The following RHBDD1 variants were observed in gnomAD, a reference collection of about 807,000 sequenced individuals.
RHBDD1 encodes rhomboid domain containing 1.
In RHBDD1, 38 loss-of-function variants were observed where a neutral mutation model predicts 36.3. The observed-to-expected ratio is 1.05, with a 90% CI of 0.81 to 1.37. RHBDD1 has a LOEUF of 1.37. Among genes scored for constraint, RHBDD1 ranks in the 40% most tolerant of loss-of-function variants. The pLI is 0.00. For synonymous variants in RHBDD1, 151 were observed against 136.5 expected (o/e 1.11, Z -0.74); for missense variants, 393 against 377.6 (o/e 1.04, Z -0.34).
intron 8 of RHBDD1, among the ~76,000 whole-genome samples, chr2:226,972,744 C>G (rs893986257): frequency 6.6e-6 from 1 of 152,168 alleles, no homozygotes; most frequent in Non-Finnish European, 1.5e-5. Flanking sequence ...TCCAGGGGCT[C>G]TCTGCTCACA....
At chr2:226,978,474 C>G (rs1416837394) in intron 8 of RHBDD1, among the ~76,000 whole-genome samples, 1 of 152,152 alleles carries the variant, frequency 6.6e-6, no homozygotes, top group African/African-American at 2.4e-5. Flanking sequence ...ATACCGTTTT[C>G]TGGTGTGAGA....
chr2:226,802,996 C>A, the RHBDD1 span, among the ~76,000 whole-genome samples: 1 of 152,164 alleles, frequency 6.6e-6, no homozygotes, highest in East Asian at 1.9e-4. Flanking sequence ...TAAAACTAAA[C>A]ATTTCAAAAT....
intron 8 of RHBDD1, among the ~76,000 whole-genome samples, chr2:226,986,418 A>G (rs1196871241): frequency 6.6e-6 from 1 of 152,252 alleles, no homozygotes; most frequent in Admixed American, 6.5e-5. Context: ...ACTTGTCTGC[A>G]GTATCTTTGC....
Position 226,956,531 on chromosome 2 carries a change from A to AGTT in RHBDD1, c.857-38882_857-38880dup, listed in dbSNP as rs373150000. 5.6e-3 allele frequency among the ~76,000 whole-genome samples: 848 copies of AGTT among 152,126 alleles called. 5 individuals are homozygous for AGTT. The highest frequency in any genetic ancestry group is 0.042 in the South Asian group (204 of 4,808). On this transcript the variant is annotated intron_variant, in intron 8 of 8. Transcript: ENST00000392062. ...TCACACATTCTGCTGGGAAGATAAA[A>AGTT]GTTGTTGTTGTTGTTGTTGTGAGTG...
At chr2:226,802,225 T>G in the RHBDD1 span, among the ~76,000 whole-genome samples, 1 of 152,214 alleles carries the variant, frequency 6.6e-6, no homozygotes, top group Non-Finnish European at 1.5e-5. Context: ...GCATTTCTGC[T>G]TTAAAAAACA....
rs1054070973 is a variant in RHBDD1 at position 226,978,719 on chromosome 2, T to A, written c.857-16712T>A. Among the ~76,000 whole-genome samples, 3 of 152,166 alleles carry A rather than the reference T, an allele frequency of 2.0e-5. No homozygotes were observed. In the East Asian group the frequency reaches 5.8e-4, roughly 29 times the overall value. On this transcript the variant is annotated intron_variant, in intron 8 of 8. Coordinates refer to ENST00000392062, the MANE Select transcript of RHBDD1 (RefSeq NM_001167608.3). ...TCACGAGTAATCACTAACCATGGCA[T>A]CATGTGCTGTGAAGGGAGGGGATCC... is the stretch of plus-strand genomic sequence containing the variant.
chr2:226,883,184 C>G (rs540029319), intron 5 of RHBDD1, among the ~76,000 whole-genome samples: 6 of 152,204 alleles, frequency 3.9e-5, no homozygotes, highest in Non-Finnish European at 5.9e-5. Flanking sequence ...CGTGTATTAA[C>G]ATTAACTCTC....
At chr2:226,805,019 C>A in the RHBDD1 span, 2 of 152,418 alleles carry the variant, frequency 1.3e-5, no homozygotes, top group South Asian at 4.0e-4. Flanking sequence ...GAGACTTTGT[C>A]TCTAAAAATA....
chr2:226,868,577 T>A (rs1944528410), intron 5 of RHBDD1, among the ~76,000 whole-genome samples: 1 of 152,232 alleles, frequency 6.6e-6, no homozygotes, highest in South Asian at 2.1e-4. Flanking sequence ...TCAGGAAGGT[T>A]CAGAAAGAAG....
chr2:226,875,223 G>T (rs1256529358), intron 5 of RHBDD1, among the ~76,000 whole-genome samples: 1 of 152,152 alleles, frequency 6.6e-6, no homozygotes, highest in African/African-American at 2.4e-5. Context: ...AGGAGCATCA[G>T]TTGTTTTCAT....
chr2:226,818,152 A>ATTT, the RHBDD1 span, among the ~76,000 whole-genome samples: 453 of 86,206 alleles, frequency 5.3e-3, no homozygotes, highest in Non-Finnish European at 7.6e-3. Context: ...TCCAAACAGT[A>ATTT]TTTTTTTTTT....
At chr2:226,892,594 A>C (rs1245178143) in intron 5 of RHBDD1, among the ~76,000 whole-genome samples, 1 of 152,220 alleles carries the variant, frequency 6.6e-6, no homozygotes, top group African/African-American at 2.4e-5. Flanking sequence ...CTTAATTCTT[A>C]TGCAGCATTG....
chr2:226,904,551 CTT>C (rs1010164945), intron 5 of RHBDD1, among the ~76,000 whole-genome samples: 2 of 152,058 alleles, frequency 1.3e-5, no homozygotes, highest in African/African-American at 4.8e-5. Context: ...TGTGCCATGA[CTT>C]TTAGCACGTG....
chr2:226,815,425 T>C, the RHBDD1 span, among the ~76,000 whole-genome samples: 1 of 152,252 alleles, frequency 6.6e-6, no homozygotes, highest in East Asian at 1.9e-4. Context: ...TTGGAGATTC[T>C]CTTTTCTAAA....
intron 8 of RHBDD1, among the ~76,000 whole-genome samples, chr2:226,962,030 A>C (rs545754643): frequency 6.6e-6 from 1 of 152,300 alleles, no homozygotes; most frequent in Non-Finnish European, 1.5e-5. Flanking sequence ...AATTCATTTT[A>C]AGCCCATTTC....
At chr2:226,827,921 G>A in the RHBDD1 span, among the ~76,000 whole-genome samples, 2 of 152,172 alleles carry the variant, frequency 1.3e-5, no homozygotes, top group Non-Finnish European at 2.9e-5. Context: ...GTGACCATAC[G>A]TGTACAGACT....
chr2:226,848,606 C>T (rs937829532), intron 3 of RHBDD1, among the ~76,000 whole-genome samples: 1 of 152,086 alleles, frequency 6.6e-6, no homozygotes, highest in South Asian at 2.1e-4. Context: ...CTGAAAGGCT[C>T]ATGTAAAGAA....
rs1213306366 is a variant in RHBDD1 at position 226,867,215 on chromosome 2, A to G, written c.463A>G (p.Asn155Asp). ...GVLFALKVLNNHYCPGGFVNI... is the reference protein window; with the variant it reads ...GVLFALKVLNDHYCPGGFVNI... ...TTTGTTTGCTTTGAAAGTTCTTAAC[A>G]ACCATTATTGCCCTGGAGGCTTTGT... The change falls in exon 5 of 9, where the codon AAC becomes GAC. Residue 155 changes from asparagine to aspartate, a missense_variant. Asn to Asp is a conservative substitution (Grantham distance 23). Transcript: ENST00000392062. 1 of 1,611,424 alleles carries G rather than the reference A, an allele frequency of 6.2e-7. No homozygotes were observed. The highest frequency in any genetic ancestry group is 8.5e-7 in the Non-Finnish European group (1 of 1,179,166).
At chr2:226,954,110 G>A (rs1951620437) in intron 8 of RHBDD1, among the ~76,000 whole-genome samples, 1 of 152,172 alleles carries the variant, frequency 6.6e-6, no homozygotes, top group African/African-American at 2.4e-5. Flanking sequence ...GCTGTGCTGA[G>A]AGGATGGCAA....
Sources: gnomAD v4.1 joint callset for allele counts (sites outside exome capture counted in the v4.1 genomes callset) on GRCh38, gnomAD v4.1.1 for gene constraint, MANE v1.5 for transcripts, NCBI Gene and HGNC (gene_info 2026-07-23, HGNC 2026-07-21) for gene names.